Variants in SCUBE1 observed in about 807,000 individuals in gnomAD.
SCUBE1 encodes the protein signal peptide, CUB and EGF-like domain-containing protein 1.
SCUBE1 carries 59 observed loss-of-function variants against 124.4 expected under a neutral mutation model. The ratio of observed to expected loss-of-function variants is 0.47; its 90% CI spans 0.38 to 0.59. The LOEUF (loss-of-function observed/expected upper bound fraction) is 0.59. Among genes scored for constraint, SCUBE1 ranks in the 20% least tolerant of loss-of-function variants. SCUBE1 has a pLI of 0.00. For synonymous variants in SCUBE1, 545 were observed against 550.9 expected (o/e 0.99, Z 0.15); for missense variants, 1,150 against 1,371.2 (o/e 0.84, Z 2.55).
At chr22:43,205,853 A>C (rs1315256878) in intron 21 of SCUBE1, among the ~76,000 whole-genome samples, 2 of 25,144 alleles carry the variant, frequency 8.0e-5, no homozygotes, top group Non-Finnish European at 7.5e-5. Flanking sequence ...CCCACTCACC[A>C]CTCACCCCCA....
intron 2 of SCUBE1, among the ~76,000 whole-genome samples, chr22:43,335,964 G>C (rs1255221938): frequency 6.7e-6 from 1 of 150,046 alleles, no homozygotes; most frequent in Non-Finnish European, 1.5e-5. Flanking sequence ...AATGATGATG[G>C]TGATGATGAT....
chr22:43,225,380 G>A (rs997237888), intron 10 of SCUBE1, among the ~76,000 whole-genome samples: 3 of 152,050 alleles, frequency 2.0e-5, no homozygotes, highest in Non-Finnish European at 4.4e-5. Flanking sequence ...GGATATCGCT[G>A]GATAGTTATT....
intron 4 of SCUBE1, chr22:43,272,632 T>A (rs1366880946): frequency 6.6e-6 from 1 of 152,078 alleles, no homozygotes; most frequent in Non-Finnish European, 1.5e-5. Flanking sequence ...CCTGATCTGC[T>A]CTCCTAGGGG....
At chr22:43,294,512 C>T (rs190650331) in intron 3 of SCUBE1, among the ~76,000 whole-genome samples, 3 of 152,316 alleles carry the variant, frequency 2.0e-5, no homozygotes, top group East Asian at 3.9e-4. Context: ...CAGCACACAC[C>T]GCCCCATGGT....
intron 6 of SCUBE1, among the ~76,000 whole-genome samples, chr22:43,251,636 G>C (rs1025280408): frequency 2.6e-5 from 4 of 152,174 alleles, no homozygotes; most frequent in Non-Finnish European, 5.9e-5. Context: ...AAGGAACGTG[G>C]GCAGCTCTAG....
rs1473147194 is a variant in SCUBE1, at chr22:43,339,771, T to C, written c.89-536A>G. ...TCCAACCCTCCCCCCACTCTCCTCA[T>C]TCTATCCCCCCACAAGCATTGCTTC... On this transcript the variant is annotated intron_variant, in intron 1 of 21. Coordinates refer to ENST00000360835, the MANE Select transcript of SCUBE1 (RefSeq NM_173050.5). 9.0e-4 allele frequency among the ~76,000 whole-genome samples: 55 copies of C among 61,408 alleles called. 1 individual carries two copies. The highest frequency in any genetic ancestry group is 0.017 in the Middle Eastern group (1 of 58). 40.3% of individuals were successfully genotyped at this position (61,408 alleles called of 152,430 possible). A position where few individuals can be genotyped will look rare whatever the true frequency, so the allele number is the denominator to read the frequency against.
Position 43,299,051 on chromosome 22 carries a change from C to CAA in SCUBE1, c.350-7873_350-7872dup, listed in dbSNP as rs368762604. ...GGGGCGACACAGCGAGACTCCGTCT[C>CAA]AAAAAAAAAAAAAAGAAAAAAGATT... On this transcript the variant is annotated intron_variant, in intron 3 of 21. Transcript: ENST00000360835. Among the ~76,000 whole-genome samples the CAA allele has an allele frequency of 1.4e-3, 193 of 136,296 alleles. 1 individual carries two copies. The highest frequency in any genetic ancestry group is 2.4e-3 in the African/African-American group (84 of 35,452). 89.4% of individuals were successfully genotyped at this position (136,296 alleles called of 152,430 possible).
At chr22:43,276,609 A>G (rs1924530273) in intron 4 of SCUBE1, among the ~76,000 whole-genome samples, 1 of 152,180 alleles carries the variant, frequency 6.6e-6, no homozygotes, top group African/African-American at 2.4e-5. Context: ...CACTCTGCCA[A>G]CCAGGCATCT....
intron 7 of SCUBE1, 155 bp downstream of exon 7, chr22:43,238,683 T>C (rs540590554): frequency 2.3e-5 from 17 of 727,284 alleles, no homozygotes; most frequent in Non-Finnish European, 4.3e-5. Context: ...CTTCCTGGCC[T>C]CTCCAACAGC....
At position 43,277,754 on chromosome 22, in the gene SCUBE1, C is replaced by T. The variant is rs1433419125; in HGVS notation, c.484+13292G>A. 2.0e-5 allele frequency among the ~76,000 whole-genome samples: 3 copies of T among 152,252 alleles called. No homozygotes were observed. In the East Asian group the frequency reaches 5.8e-4, roughly 29 times the overall value. On this transcript the variant is annotated intron_variant, in intron 4 of 21. Coordinates refer to ENST00000360835, the MANE Select transcript of SCUBE1 (RefSeq NM_173050.5). The stretch of plus-strand genomic sequence containing the variant: ...CTATGATGCGTATGACAGCTTTGCA[C>T]AGTTCTAGTGATCTGGACCGGGCTC...
intron 6 of SCUBE1, among the ~76,000 whole-genome samples, chr22:43,254,746 G>A (rs759693154): frequency 6.6e-6 from 1 of 152,238 alleles, no homozygotes; most frequent in Non-Finnish European, 1.5e-5. Context: ...TTGGGCAGCT[G>A]GCAAAGCCCA....
At chr22:43,284,098 G>A (rs560945288) in intron 4 of SCUBE1, among the ~76,000 whole-genome samples, 1 of 152,374 alleles carries the variant, frequency 6.6e-6, no homozygotes, top group African/African-American at 2.4e-5. Flanking sequence ...CACGGCCGTG[G>A]TCTTCAGAGC....
intron 3 of SCUBE1, among the ~76,000 whole-genome samples, chr22:43,308,697 G>A (rs892879464): frequency 3.3e-5 from 5 of 152,218 alleles, no homozygotes; most frequent in African/African-American, 9.6e-5. Context: ...GGCACTCGCC[G>A]GTGACTTCCT....
intron 3 of SCUBE1, among the ~76,000 whole-genome samples, chr22:43,304,015 G>A (rs568781354): frequency 2.3e-4 from 35 of 152,320 alleles, no homozygotes; most frequent in Non-Finnish European, 4.4e-4. Context: ...TCGTGCAGTT[G>A]TTAATAAACT....
chr22:43,198,104 A>C lies in SCUBE1; in HGVS notation c.*5893T>G. Reference sequence around the variant, plus strand: ...CCCAGAGCCTTCATTTCCACATCTGAAGAATGGTCTTAACCCCACCATCTA... The same window carrying C: ...CCCAGAGCCTTCATTTCCACATCTGCAGAATGGTCTTAACCCCACCATCTA... On this transcript the variant is annotated 3_prime_UTR_variant, in exon 22 of 22. Coordinates refer to ENST00000360835, the MANE Select transcript of SCUBE1 (RefSeq NM_173050.5). 6.1e-6 allele frequency: 1 copy of C among 164,226 alleles called. No homozygotes were observed. Among genetic ancestry groups the C allele is most frequent in the Non-Finnish European group, 1.3e-5 (1 of 75,164 alleles). 10.2% of individuals were successfully genotyped at this position (164,226 alleles called of 1,614,324 possible).
At position 43,339,681 on chromosome 22, in the gene SCUBE1, AT is replaced by A. The variant is rs1203942181; in HGVS notation, c.89-447del. ...AGCCCTCCCCCATTCTCCTCACTCT[AT>A]CCCCCCACAAGCATTGCTCCAACCC... On this transcript the variant is annotated intron_variant, in intron 1 of 21. Coordinates refer to ENST00000360835, the MANE Select transcript of SCUBE1 (RefSeq NM_173050.5). Among the ~76,000 whole-genome samples, 213 of 46,224 alleles carry A rather than the reference AT, an allele frequency of 4.6e-3. 7 individuals carry two copies. Among genetic ancestry groups the A allele is most frequent in the South Asian group, 0.03 (40 of 1,342 alleles). 30.3% of individuals were successfully genotyped at this position (46,224 alleles called of 152,430 possible). A position where few individuals can be genotyped will look rare whatever the true frequency, so the allele number is the denominator to read the frequency against.
chr22:43,278,848 T>C (rs1389359942), intron 4 of SCUBE1, among the ~76,000 whole-genome samples: 2 of 152,102 alleles, frequency 1.3e-5, no homozygotes, highest in East Asian at 3.9e-4. Flanking sequence ...CGACCCTGTA[T>C]GGAAACCACA....
At chr22:43,292,395 T>C (rs1925395174) in intron 3 of SCUBE1, among the ~76,000 whole-genome samples, 1 of 152,158 alleles carries the variant, frequency 6.6e-6, no homozygotes, top group South Asian at 2.1e-4. Flanking sequence ...CGTGTTTCAA[T>C]TACCAGAGTC....
chr22:43,240,801 G>A (rs772398793), intron 6 of SCUBE1, among the ~76,000 whole-genome samples: 53 of 151,892 alleles, frequency 3.5e-4, no homozygotes, highest in Non-Finnish European at 6.6e-4. Context: ...TGCCTCCCAC[G>A]CCCGAATCCA....
Sources: allele counts gnomAD v4.1 joint callset (sites outside exome capture counted in the v4.1 genomes callset), GRCh38; gene constraint gnomAD v4.1.1; transcripts MANE v1.5; gene names NCBI Gene and HGNC (gene_info 2026-07-23, HGNC 2026-07-21).